RORA: variants seen among roughly 807,000 people sequenced by gnomAD.
The protein encoded by RORA is RAR related orphan receptor A.
A neutral mutation model predicts 69.5 loss-of-function variants in RORA; 7 were observed. The observed-to-expected ratio is 0.10, with a 90% CI of 0.06 to 0.19. The LOEUF (loss-of-function observed/expected upper bound fraction) is 0.19. Among genes scored for constraint, RORA ranks in the 10% least tolerant of loss-of-function variants. The probability of loss-of-function intolerance (pLI) is 1.00; values close to 1 mark genes in which losing one functional copy is unlikely to be tolerated. For missense variants in RORA, 457 were observed against 663.0 expected (o/e 0.69, Z 3.41); for synonymous variants, 261 against 240.8 (o/e 1.08, Z -0.78).
rs772367039 is a variant in RORA at position 61,229,146 on chromosome 15, C to G, written c.73G>C (p.Gly25Arg). The G allele has an allele frequency of 8.4e-6, 13 of 1,543,566 alleles. No individual in the cohort carries two copies. Among genetic ancestry groups the G allele is most frequent in the Non-Finnish European group, 9.6e-6 (11 of 1,145,234 alleles). Residue 25 changes from glycine (G) to arginine (R), a missense_variant, in exon 1 of 11, where the codon GGC (glycine) becomes CGC (arginine). Transcript: ENST00000335670. ...PGSSGADAAA[G>R]SRETPLNQES... ...TGGTTCAGCGGGGTCTCCCTGGAGC[C>G]GGCGGCCGCGTCCGCGCCGCTGCTG... is the stretch of plus-strand genomic sequence containing the variant.
Position 60,714,040 on chromosome 15 carries a change from ATCTC to A in RORA, c.167-35358_167-35355del, listed in dbSNP as rs530210589. ...AAATTGAATTAGCACCTTCTTCATT[ATCTC>A]TCTCTCTCTCTCTCTTTTTTTTTTT... is the stretch of plus-strand genomic sequence containing the variant. On this transcript the variant is annotated intron_variant, in intron 1 of 10. Coordinates refer to ENST00000335670, the MANE Select transcript of RORA (RefSeq NM_134261.3). 8.1e-3 allele frequency among the ~76,000 whole-genome samples: 1,210 copies of A among 149,720 alleles called. 14 individuals are homozygous for A. The highest frequency in any genetic ancestry group is 0.011 in the Non-Finnish European group (726 of 67,416).
intron 1 of RORA, among the ~76,000 whole-genome samples, chr15:61,016,696 C>T (rs897538736): frequency 5.3e-5 from 8 of 152,172 alleles, no homozygotes; most frequent in African/African-American, 1.4e-4. Context: ...CCGGAGGTTT[C>T]GCGACCCATA....
At chr15:60,561,077 T>G (rs1433680122) in intron 2 of RORA, among the ~76,000 whole-genome samples, 25 of 125,010 alleles carry the variant, frequency 2.0e-4, no homozygotes, top group African/African-American at 5.4e-4. Flanking sequence ...TTTTGTTTTG[T>G]TTTTGTTTTT....
chr15:60,645,541 G>A (rs1172061563), intron 2 of RORA, among the ~76,000 whole-genome samples: 3 of 151,530 alleles, frequency 2.0e-5, no homozygotes, highest in South Asian at 2.1e-4. Context: ...ACAGGCATGC[G>A]CCATCACGCC....
intron 1 of RORA, among the ~76,000 whole-genome samples, chr15:60,759,500 G>T (rs2071852516): frequency 1.3e-5 from 2 of 152,164 alleles, no homozygotes; most frequent in Non-Finnish European, 2.9e-5. Flanking sequence ...ATTCCCACAA[G>T]AGAATAATGA....
chr15:61,016,765 A>G (rs1398056731), intron 1 of RORA, among the ~76,000 whole-genome samples: 1 of 152,140 alleles, frequency 6.6e-6, no homozygotes, highest in East Asian at 1.9e-4. Context: ...GGCAATTAGA[A>G]GTGTGAAAAT....
intron 2 of RORA, among the ~76,000 whole-genome samples, chr15:60,655,629 A>G (rs1289711013): frequency 1.3e-5 from 2 of 152,182 alleles, no homozygotes; most frequent in African/African-American, 4.8e-5. Context: ...CCTTTCTCCT[A>G]AAGCTTCCTA....
chr15:60,984,566 T>C (rs1894140860), intron 1 of RORA, among the ~76,000 whole-genome samples: 1 of 152,010 alleles, frequency 6.6e-6, no homozygotes, highest in African/African-American at 2.4e-5. Flanking sequence ...ATATAGGAGG[T>C]AACATACACA....
chr15:60,765,892 T>C (rs1037637683), intron 1 of RORA, among the ~76,000 whole-genome samples: 2 of 151,888 alleles, frequency 1.3e-5, no homozygotes, highest in South Asian at 4.1e-4. Flanking sequence ...GGTACTTTAC[T>C]CACTCAGCTT....
Position 60,770,709 on chromosome 15 carries a change from A to G in RORA, c.167-92023T>C, listed in dbSNP as rs1327719283. Among the ~76,000 whole-genome samples, 11 of 152,274 alleles carry G rather than the reference A, an allele frequency of 7.2e-5. No individual in the cohort carries two copies. In the East Asian group the frequency reaches 2.1e-3, roughly 29 times the overall value. Reference sequence around the variant, plus strand: ...CCAATCATAGTGCACTGCAGCCTCAAACTCCTGGGCACAAGAGATCCTCCT... The same window carrying G: ...CCAATCATAGTGCACTGCAGCCTCAGACTCCTGGGCACAAGAGATCCTCCT... On this transcript the variant is annotated intron_variant, in intron 1 of 10. Coordinates refer to ENST00000335670, the MANE Select transcript of RORA (RefSeq NM_134261.3).
chr15:60,561,862 A>T (rs2067570752), intron 2 of RORA, among the ~76,000 whole-genome samples: 1 of 152,148 alleles, frequency 6.6e-6, no homozygotes, highest in Admixed American at 6.5e-5. Flanking sequence ...GTTCCTGACT[A>T]GATGCTGCCT....
At position 61,127,131 on chromosome 15, in the gene RORA, G is replaced by GC. The variant is rs956435306; in HGVS notation, c.166+101921_166+101922insG. Among the ~76,000 whole-genome samples, 41 of 152,326 alleles carry GC rather than the reference G, an allele frequency of 2.7e-4. No individual in the cohort carries two copies. The Middle Eastern group carries it at 0.01, about 38-fold the overall frequency. The stretch of plus-strand genomic sequence containing the variant: ...AGCAGGGGACCTTCTCTGAAAGGCA[G>GC]TGTGTCACAGTCTTCAAACTGCTTC... On this transcript the variant is annotated intron_variant, in intron 1 of 10. Transcript: ENST00000335670.
chr15:60,969,730 T>C (rs1893657617), intron 1 of RORA, among the ~76,000 whole-genome samples: 1 of 152,132 alleles, frequency 6.6e-6, no homozygotes, highest in Admixed American at 6.6e-5. Flanking sequence ...CACAGTTAGG[T>C]ACATGGTTTT....
chr15:60,685,615 TCTAGGACAAAAGAA>T (rs1475949668), intron 1 of RORA, among the ~76,000 whole-genome samples: 5 of 152,204 alleles, frequency 3.3e-5, no homozygotes, highest in African/African-American at 1.2e-4. Flanking sequence ...AATGTCCTTG[TCTAGGACAAAAGAA>T]CTATTAATGA....
intron 1 of RORA, among the ~76,000 whole-genome samples, chr15:60,828,639 G>T (rs185042918): frequency 6.1e-4 from 93 of 152,294 alleles, no homozygotes; most frequent in African/African-American, 2.1e-3. Flanking sequence ...AAAGCTCCTG[G>T]GAGGCACTGG....
intron 1 of RORA, among the ~76,000 whole-genome samples, chr15:60,893,606 T>TA (rs1003864565): frequency 1.3e-5 from 2 of 152,024 alleles, no homozygotes; most frequent in South Asian, 2.1e-4. Context: ...TGTGCGTTTT[T>TA]AAAAAATTTT....
At chr15:61,049,314 C>T (rs936409721) in intron 1 of RORA, among the ~76,000 whole-genome samples, 13 of 152,158 alleles carry the variant, frequency 8.5e-5, no homozygotes, top group Admixed American at 5.9e-4. Context: ...GATATCCCCC[C>T]GTCTAACATC....
intron 1 of RORA, among the ~76,000 whole-genome samples, chr15:61,153,402 A>C (rs2079414738): frequency 6.6e-6 from 1 of 152,208 alleles, no homozygotes; most frequent in Admixed American, 6.5e-5. Context: ...TTACTAAGAA[A>C]GGACATGGGA....
Position 61,061,111 on chromosome 15 carries a change from T to C in RORA, c.166+167942A>G, listed in dbSNP as rs945180842. Among the ~76,000 whole-genome samples, 2 of 152,118 alleles carry C rather than the reference T, an allele frequency of 1.3e-5. No individual in the cohort carries two copies. Among genetic ancestry groups the C allele is most frequent in the African/African-American group, 4.8e-5 (2 of 41,426 alleles). On this transcript the variant is annotated intron_variant, in intron 1 of 10. Transcript: ENST00000335670. This position sits in a 1 kb window ranked among gnomAD's most constrained non-coding sequence, Gnocchi z 4.4. The stretch of plus-strand genomic sequence containing the variant: ...GCTCGTGCCTGTAATCCCAGCACTT[T>C]GGGAGGCCGAGGCGGGCGGATCACA...
Sources: gnomAD v4.1 joint callset for allele counts (sites outside exome capture counted in the v4.1 genomes callset) on GRCh38, gnomAD v4.1.1 for gene constraint, Gnocchi (gnomAD v3.1) non-coding constraint, MANE v1.5 for transcripts, NCBI Gene and HGNC (gene_info 2026-07-23, HGNC 2026-07-21) for gene names.